SORCS2: variants seen among roughly 807,000 people sequenced by gnomAD.
SORCS2 encodes sortilin related VPS10 domain containing receptor 2, also known as VPS10 domain-containing receptor SorCS2.
A neutral mutation model predicts 141.6 loss-of-function variants in SORCS2; 100 were observed. The observed-to-expected ratio is 0.71, with a 90% CI of 0.60 to 0.83. SORCS2 has a LOEUF of 0.83. SORCS2 is among the 40% of genes least tolerant of loss of function. The pLI is 0.00. For synonymous variants in SORCS2, 789 were observed against 676.9 expected (o/e 1.17, Z -2.57); for missense variants, 1,646 against 1,560.2 (o/e 1.05, Z -0.93).
intron 3 of SORCS2, among the ~76,000 whole-genome samples, chr4:7,619,995 A>G (rs1427726385): frequency 6.6e-6 from 1 of 151,068 alleles, no homozygotes; most frequent in African/African-American, 2.4e-5. Flanking sequence ...ATCTAGTTAC[A>G]CCTCTTTTTT....
chr4:7,544,022 A>ACCCATCTG (rs1713043451), intron 3 of SORCS2, among the ~76,000 whole-genome samples: 1 of 141,604 alleles, frequency 7.1e-6, no homozygotes, highest in South Asian at 2.3e-4. Flanking sequence ...CCACCCATCC[A>ACCCATCTG]TCCATCCAGC....
chr4:7,699,259 C>T (rs1348038031), intron 12 of SORCS2, among the ~76,000 whole-genome samples: 1 of 152,190 alleles, frequency 6.6e-6, no homozygotes, highest in Admixed American at 6.5e-5. Flanking sequence ...TCTGAAGAGC[C>T]TGCAGCCTGC....
At chr4:7,341,922 A>G (rs137957914) in intron 1 of SORCS2, among the ~76,000 whole-genome samples, 73 of 152,178 alleles carry the variant, frequency 4.8e-4, no homozygotes, top group African/African-American at 1.7e-3. Flanking sequence ...CCTGTTCTAG[A>G]TATTTTATGT....
At chr4:7,589,207 T>C (rs1293669480) in intron 3 of SORCS2, among the ~76,000 whole-genome samples, 2 of 152,128 alleles carry the variant, frequency 1.3e-5, no homozygotes, top group Admixed American at 1.3e-4. Flanking sequence ...AGTTAGGAGA[T>C]CCTTGTGGCA....
At chr4:7,301,567 C>A (rs1418647521) in intron 1 of SORCS2, among the ~76,000 whole-genome samples, 2 of 152,346 alleles carry the variant, frequency 1.3e-5, no homozygotes, top group East Asian at 1.9e-4. Context: ...AGGCAGAGCA[C>A]CCTCGACCCT....
At position 7,645,051 on chromosome 4, in the gene SORCS2, C is replaced by T. The variant is rs140089679; in HGVS notation, c.813+6559C>T. On this transcript the variant is annotated intron_variant, in intron 4 of 26. Transcript: ENST00000507866. The stretch of plus-strand genomic sequence containing the variant: ...CCAGGGCAGGCGTCGTAAACGCAAG[C>T]GCATGAGGCAGTGATGCCAATGGTA... 5.1e-3 allele frequency among the ~76,000 whole-genome samples: 774 copies of T among 152,304 alleles called. 8 individuals are homozygous for T. The highest frequency in any genetic ancestry group is 0.015 in the African/African-American group (643 of 41,572).
intron 2 of SORCS2, among the ~76,000 whole-genome samples, chr4:7,436,665 G>A (rs1255844813): frequency 3.3e-5 from 5 of 152,188 alleles, no homozygotes; most frequent in African/African-American, 9.6e-5. Context: ...TGTCGTTTCT[G>A]GGTAGAATTC....
intron 1 of SORCS2, among the ~76,000 whole-genome samples, chr4:7,376,740 T>C (rs1341261901): frequency 1.3e-5 from 2 of 152,268 alleles, no homozygotes; most frequent in African/African-American, 4.8e-5. Context: ...AATAAACTTT[T>C]TACGACTTAC....
At chr4:7,318,458 A>G (rs1214694567) in intron 1 of SORCS2, among the ~76,000 whole-genome samples, 1 of 152,180 alleles carries the variant, frequency 6.6e-6, no homozygotes, top group Admixed American at 6.5e-5. Flanking sequence ...GCCTGGTGTC[A>G]TTTTATCCAG....
intron 1 of SORCS2, among the ~76,000 whole-genome samples, chr4:7,212,347 C>T (rs1180093605): frequency 6.6e-6 from 1 of 152,182 alleles, no homozygotes; most frequent in African/African-American, 2.4e-5. Context: ...GTGTCTCCTG[C>T]AATGCTGTGT....
In SORCS2 at chr4:7,286,476, G is replaced by A. The variant is rs1371632233; in HGVS notation, c.480+93350G>A. On this transcript the variant is annotated intron_variant, in intron 1 of 26. Transcript: ENST00000507866. This position sits in a 1 kb window ranked among gnomAD's most constrained non-coding sequence, Gnocchi z 4.1. ...GGAGATGCACCATCCTCTCAGCCCT[G>A]TTTCTCTTCTTCTCCTGAGGTTTCC... Among the ~76,000 whole-genome samples, 1 of 152,142 alleles carries A rather than the reference G, an allele frequency of 6.6e-6. No homozygotes were observed. Among genetic ancestry groups the A allele is most frequent in the Non-Finnish European group, 1.5e-5 (1 of 67,996 alleles).
At chr4:7,387,893 C>T (rs1433042605) in intron 1 of SORCS2, among the ~76,000 whole-genome samples, 1 of 151,146 alleles carries the variant, frequency 6.6e-6, no homozygotes, top group Non-Finnish European at 1.5e-5. Context: ...CACACACAGG[C>T]ACACAGAGAT....
intron 2 of SORCS2, among the ~76,000 whole-genome samples, chr4:7,527,907 G>C (rs550538905): frequency 1.3e-5 from 2 of 152,280 alleles, no homozygotes; most frequent in South Asian, 4.1e-4. Context: ...GGGGGGCTGA[G>C]GATGGCACCT....
intron 1 of SORCS2, among the ~76,000 whole-genome samples, chr4:7,361,645 C>G (rs1355109767): frequency 6.6e-6 from 1 of 152,084 alleles, no homozygotes; most frequent in Non-Finnish European, 1.5e-5. Flanking sequence ...CTGACTCCAA[C>G]AGTCCAGCAG....
chr4:7,733,468 G>A (rs769818155), intron 24 of SORCS2, 47 bp downstream of exon 24: 18 of 1,459,294 alleles, frequency 1.2e-5, no homozygotes, highest in Admixed American at 2.1e-5. Context: ...GGAGGCATCC[G>A]GGCCCTGGAG....
intron 3 of SORCS2, among the ~76,000 whole-genome samples, chr4:7,571,965 T>TC (rs1715430487): frequency 2.0e-5 from 3 of 152,246 alleles, no homozygotes; most frequent in African/African-American, 7.2e-5. Context: ...CTGCCTGTCC[T>TC]CCAGGCACCA....
Position 7,740,282 on chromosome 4 carries a change from T to C in SORCS2, c.*18T>C. ...TGAGCTGATGCCACCCCAGCATCTG[T>C]CTTTTCACCCACGGAGGGCACAGAA... On this transcript the variant is annotated 3_prime_UTR_variant, in exon 27 of 27. Transcript: ENST00000507866. The C allele has an allele frequency of 6.2e-7, 1 of 1,606,930 alleles. No individual in the cohort carries two copies. Among genetic ancestry groups the C allele is most frequent in the Non-Finnish European group, 8.5e-7 (1 of 1,178,414 alleles).
At chr4:7,719,255 G>A (rs1726412444) in intron 18 of SORCS2, among the ~76,000 whole-genome samples, 1 of 152,244 alleles carries the variant, frequency 6.6e-6, no homozygotes, top group African/African-American at 2.4e-5. Flanking sequence ...CAGGGAGCCT[G>A]GTCTAAGGCA....
Position 7,719,050 on chromosome 4 carries a change from CGGAG to C in SORCS2, c.2424+870_2424+873del, listed in dbSNP as rs1726394488. Reference sequence around the variant, plus strand: ...GGGTTCGATGCATCCGTGTCGCACCCGGAGGGTGAGCGCCTAGGACCCTGGGCTC... The same window carrying C: ...GGGTTCGATGCATCCGTGTCGCACCCGGTGAGCGCCTAGGACCCTGGGCTC... On this transcript the variant is annotated intron_variant, in intron 18 of 26. Transcript: ENST00000507866. Among the ~76,000 whole-genome samples, 5 of 152,244 alleles carry C rather than the reference CGGAG, an allele frequency of 3.3e-5. No homozygotes were observed. In the South Asian group the frequency reaches 8.3e-4, roughly 25 times the overall value.
Sources: gnomAD v4.1 joint callset for allele counts (sites outside exome capture counted in the v4.1 genomes callset) on GRCh38, gnomAD v4.1.1 for gene constraint, Gnocchi (gnomAD v3.1) non-coding constraint, MANE v1.5 for transcripts, NCBI Gene and HGNC (gene_info 2026-07-23, HGNC 2026-07-21) for gene names.